TRMO: variants seen among roughly 807,000 people sequenced by gnomAD.
TRMO encodes the protein tRNA (adenine(37)-N6)-methyltransferase.
In TRMO, 30 loss-of-function variants were observed where a neutral mutation model predicts 37.2. That is an observed-to-expected ratio of 0.81 (90% CI 0.60 to 1.09). The LOEUF is 1.09. Ranked by LOEUF, TRMO falls within the 50% of genes least tolerant of loss-of-function variation. TRMO has a pLI of 0.00. For missense variants in TRMO, 552 were observed against 549.5 expected (o/e 1.00, Z -0.05); for synonymous variants, 239 against 199.4 (o/e 1.20, Z -1.67).
Position 97,916,281 on chromosome 9 carries a change from C to T in TRMO, c.134G>A (p.Gly45Asp). Residue 45 changes from glycine to aspartate, a missense_variant, in exon 2 of 5, where the codon GGT becomes GAT. Physicochemically the swap from Gly to Asp is moderately conservative, Grantham distance 94. Transcript: ENST00000375119. ...ACAAATGGATGGCTGTCTTGGAGTA[C>T]CATTCTTGGCCGAGAAACAAGATTC... is the stretch of plus-strand genomic sequence containing the variant. ...YLESCFSAKN[G>D]TPRQPSICSY... is the part of the protein sequence containing the mutation. 6.2e-7 allele frequency: 1 copy of T among 1,613,544 alleles called. No individual in the cohort carries two copies. The highest frequency in any genetic ancestry group is 8.5e-7 in the Non-Finnish European group (1 of 1,179,720).
rs191193783 is a variant in TRMO at position 97,921,588 on chromosome 9, G to A, written c.76+830C>T. On this transcript the variant is annotated intron_variant, in intron 1 of 4. Coordinates refer to ENST00000375119, the MANE Select transcript of TRMO (RefSeq NM_016481.5). The stretch of plus-strand genomic sequence containing the variant: ...CAGGAGCCCACCACCACGCCCGGCT[G>A]ATTTTTTTGTATTTTTTAGTAGAGA... Among the ~76,000 whole-genome samples, 48 of 151,896 alleles carry A rather than the reference G, an allele frequency of 3.2e-4. No individual in the cohort carries two copies. The East Asian group carries it at 8.6e-3, about 27-fold the overall frequency.
At chr9:97,898,685 A>C in the TRMO span, among the ~76,000 whole-genome samples, 1 of 151,848 alleles carries the variant, frequency 6.6e-6, no homozygotes, top group Non-Finnish European at 1.5e-5. Flanking sequence ...GCCGTGCCCC[A>C]CCAGGAAACT....
In TRMO at chr9:97,910,104, T is replaced by C; in HGVS notation, c.922A>G (p.Met308Val). The C allele has an allele frequency of 1.9e-6, 3 of 1,614,150 alleles. No homozygotes were observed. The highest frequency in any genetic ancestry group is 2.5e-6 in the Non-Finnish European group (3 of 1,179,986). ...LQGSRAETQP[M>V]APHCPAGRAD... ...CTTCCAGCAGGGCAGTGAGGGGCCA[T>C]GGGCTGTGTCTCTGCCCTGCTTCCT... is the stretch of plus-strand genomic sequence containing the variant. Residue 308 changes from methionine (M) to valine (V), a missense_variant, in exon 4 of 5, where the codon ATG becomes GTG. Transcript: ENST00000375119.
intron 3 of TRMO, chr9:97,910,913 C>T: frequency 1.8e-6 from 1 of 561,556 alleles, no homozygotes; most frequent in Non-Finnish European, 3.4e-6. Flanking sequence ...AGCCTGTGCA[C>T]AAACCTCTGC....
intron 1 of TRMO, among the ~76,000 whole-genome samples, chr9:97,916,540 A>G (rs1279516353): frequency 6.6e-6 from 1 of 152,188 alleles, no homozygotes; most frequent in African/African-American, 2.4e-5. Flanking sequence ...ATCATTACAT[A>G]CATAGTAATA....
chr9:97,909,925 T>C, intron 4 of TRMO, 35 bp downstream of exon 4: 1 of 1,453,162 alleles, frequency 6.9e-7, no homozygotes, highest in Non-Finnish European at 9.3e-7. Context: ...AAGTAAAAGT[T>C]CATCTCTCAT....
intron 4 of TRMO, among the ~76,000 whole-genome samples, chr9:97,906,424 T>G (rs1212717847): frequency 6.6e-6 from 1 of 152,122 alleles, no homozygotes; most frequent in Admixed American, 6.5e-5. Flanking sequence ...AGGATTCTCC[T>G]CTCAGAGTGC....
chr9:97,902,412 T>C (rs1368210036), downstream of TRMO, among the ~76,000 whole-genome samples: 2 of 152,226 alleles, frequency 1.3e-5, no homozygotes, highest in Non-Finnish European at 2.9e-5. Context: ...GCGATTCTCC[T>C]GCCTTAGCCT....
chr9:97,897,915 G>A, the TRMO span, among the ~76,000 whole-genome samples: 1 of 152,072 alleles, frequency 6.6e-6, no homozygotes, highest in Non-Finnish European at 1.5e-5. Context: ...GGAGGACAGT[G>A]GCATGATCAT....
chr9:97,911,059 C>T (rs1413090165), intron 3 of TRMO: 1 of 401,766 alleles, frequency 2.5e-6, no homozygotes, highest in Admixed American at 3.0e-5. Context: ...TATAGTAGTC[C>T]TCAGTATATC....
intron 4 of TRMO, among the ~76,000 whole-genome samples, chr9:97,909,192 T>A (rs1320568487): frequency 6.6e-6 from 1 of 152,200 alleles, no homozygotes; most frequent in African/African-American, 2.4e-5. Flanking sequence ...CCTCAAGTGA[T>A]CCACCCACCT....
rs771532762 is a variant in TRMO at position 97,913,377 on chromosome 9, A to T, written c.409+24T>A. On this transcript the variant is annotated intron_variant, in intron 3 of 4. Coordinates refer to ENST00000375119, the MANE Select transcript of TRMO (RefSeq NM_016481.5). ...GGCTTTTTTGGGTGAGGAAAAAGGTAAAAGTAGAAATGAAATGGGTTACCT... is the reference window on the plus strand; with the variant it reads ...GGCTTTTTTGGGTGAGGAAAAAGGTTAAAGTAGAAATGAAATGGGTTACCT... 2.1e-5 allele frequency: 34 copies of T among 1,613,334 alleles called. No homozygotes were observed. The South Asian group carries it at 3.7e-4, about 18-fold the overall frequency.
At chr9:97,907,624 C>A (rs1782862325) in intron 4 of TRMO, among the ~76,000 whole-genome samples, 1 of 152,178 alleles carries the variant, frequency 6.6e-6, no homozygotes, top group Admixed American at 6.5e-5. Flanking sequence ...AGAAATCACA[C>A]AGGTAGTGAT....
At chr9:97,910,925 A>G (rs1471607252) in intron 3 of TRMO, 1 of 547,958 alleles carries the variant, frequency 1.8e-6, no homozygotes, top group Non-Finnish European at 3.5e-6. Context: ...AACCTCTGCT[A>G]GAGCGCTTTC....
chr9:97,905,712 T>A (rs929379207), intron 4 of TRMO, among the ~76,000 whole-genome samples: 5 of 152,220 alleles, frequency 3.3e-5, no homozygotes, highest in Non-Finnish European at 5.9e-5. Context: ...AAAAACACTG[T>A]CCCTGCTCAA....
At chr9:97,915,630 G>C (rs889801694) in intron 2 of TRMO, 18 of 152,144 alleles carry the variant, frequency 1.2e-4, no homozygotes, top group African/African-American at 4.3e-4. Context: ...GCTTCCCTGA[G>C]GATCTCTAAA....
At chr9:97,912,644 C>A in intron 3 of TRMO, 1 of 290,178 alleles carries the variant, frequency 3.4e-6, no homozygotes, top group Non-Finnish European at 6.9e-6. Context: ...TTACAAGATT[C>A]TCAAAATATT....
chr9:97,907,369 T>C (rs1587830288), intron 4 of TRMO, among the ~76,000 whole-genome samples: 1 of 152,212 alleles, frequency 6.6e-6, no homozygotes, highest in Admixed American at 6.5e-5. Flanking sequence ...TCAGAGTCAG[T>C]TGGCATGTAT....
At chr9:97,903,486 T>C (rs1386641506), downstream of TRMO, among the ~76,000 whole-genome samples, 1 of 152,208 alleles carries the variant, frequency 6.6e-6, no homozygotes, top group Non-Finnish European at 1.5e-5. Context: ...TTTACAATCA[T>C]GATTAGGAAA....
Sources: allele counts gnomAD v4.1 joint callset (sites outside exome capture counted in the v4.1 genomes callset), GRCh38; gene constraint gnomAD v4.1.1; transcripts MANE v1.5; gene names NCBI Gene and HGNC (gene_info 2026-07-23, HGNC 2026-07-21).